Variants in DNAH9 observed in about 807,000 individuals in gnomAD.
DNAH9 encodes the protein DNAH9 variant protein.
Under a neutral mutation model 471.6 loss-of-function variants are expected in DNAH9, and 345 were observed. That is an observed-to-expected ratio of 0.73 (90% CI 0.67 to 0.80). DNAH9 has a LOEUF of 0.80. DNAH9 is among the 30% of genes least tolerant of loss of function. DNAH9 has a pLI of 0.00. For missense variants in DNAH9, 5,407 were observed against 5,609.2 expected (o/e 0.96, Z 1.15); for synonymous variants, 2,093 against 2,123.6 (o/e 0.99, Z 0.40).
chr17:11,881,860 C>T (rs1972735603), intron 55 of DNAH9, among the ~76,000 whole-genome samples: 3 of 151,534 alleles, frequency 2.0e-5, no homozygotes, highest in Non-Finnish European at 4.4e-5. Context: ...TGCAGTGAGC[C>T]AAGATCGTGC....
intron 14 of DNAH9, among the ~76,000 whole-genome samples, chr17:11,662,371 C>G (rs1003082460): frequency 1.4e-4 from 21 of 152,148 alleles, no homozygotes; most frequent in Admixed American, 1.2e-3. Context: ...ATATTCTTAT[C>G]TACTAATTTC....
intron 9 of DNAH9, among the ~76,000 whole-genome samples, chr17:11,638,141 CT>C (rs1243777448): frequency 6.6e-6 from 1 of 151,254 alleles, no homozygotes; most frequent in East Asian, 1.9e-4. Flanking sequence ...TTATCAAAGG[CT>C]TTTAAGTAGC....
chr17:11,828,782 A>T (rs1372935341), intron 48 of DNAH9, among the ~76,000 whole-genome samples: 1 of 152,158 alleles, frequency 6.6e-6, no homozygotes, highest in African/African-American at 2.4e-5. Flanking sequence ...CTGCTCCAGA[A>T]GCCCTTTCTA....
chr17:11,689,594 C>T lies in DNAH9; in HGVS notation c.3772C>T (p.Leu1258=). ...TGATAGCATCCACCCTCATCAAATG[C>T]TGGATGCCAGGCACATCGAGATCCA... ...RFDSIHPHQM[L]DARHIEIQQM... Residue 1258 remains leucine, a synonymous_variant, in exon 20 of 69, where the codon CTG becomes TTG. Coordinates refer to ENST00000262442, the MANE Select transcript of DNAH9 (RefSeq NM_001372.4). 6.2e-7 allele frequency: 1 copy of T among 1,613,622 alleles called. No homozygotes were observed.
At chr17:11,917,219 T>C (rs768746428) in intron 61 of DNAH9, among the ~76,000 whole-genome samples, 35 of 152,132 alleles carry the variant, frequency 2.3e-4, no homozygotes, top group Non-Finnish European at 3.2e-4. Context: ...AATGGCACGA[T>C]CTCAGCTCAC....
chr17:11,603,894 C>T (rs181671696), intron 1 of DNAH9, among the ~76,000 whole-genome samples: 31 of 152,290 alleles, frequency 2.0e-4, no homozygotes, highest in Admixed American at 3.9e-4. Flanking sequence ...CTGAGAGCAG[C>T]GTTTGTCATA....
At chr17:11,769,354 TG>T in intron 38 of DNAH9, 25 bp downstream of exon 38, 2 of 1,586,200 alleles carry the variant, frequency 1.3e-6, no homozygotes, top group Non-Finnish European at 8.6e-7. Context: ...GCACCTGGGG[TG>T]GGGGGCATCT....
At chr17:11,744,003 T>C (rs1422227928) in intron 30 of DNAH9, among the ~76,000 whole-genome samples, 1 of 152,060 alleles carries the variant, frequency 6.6e-6, no homozygotes, top group Non-Finnish European at 1.5e-5. Flanking sequence ...CTAATTTTTG[T>C]ATTTTCAGTA....
At chr17:11,805,033 G>A (rs1173683414) in intron 43 of DNAH9, among the ~76,000 whole-genome samples, 2 of 151,484 alleles carry the variant, frequency 1.3e-5, no homozygotes, top group African/African-American at 4.9e-5. Context: ...CAGCCTGGGC[G>A]AGAAAGCAAG....
At chr17:11,713,173 A>G (rs554927760) in intron 26 of DNAH9, among the ~76,000 whole-genome samples, 1 of 152,172 alleles carries the variant, frequency 6.6e-6, no homozygotes, top group South Asian at 2.1e-4. Flanking sequence ...CTGTTCCTGC[A>G]TTAGTTTGCT....
At chr17:11,683,355 G>A (rs2150744646) in intron 19 of DNAH9, among the ~76,000 whole-genome samples, 1 of 152,198 alleles carries the variant, frequency 6.6e-6, no homozygotes, top group African/African-American at 2.4e-5. Flanking sequence ...TGTATTTTTA[G>A]TAGAGGCAGG....
At chr17:11,738,855 T>C (rs2075392237) in intron 28 of DNAH9, 25 bp from the exon 29 acceptor site, 1 of 1,611,424 alleles carries the variant, frequency 6.2e-7, no homozygotes, top group Non-Finnish European at 8.5e-7. Flanking sequence ...TTGAGGAATT[T>C]CTCGCTGATT....
intron 45 of DNAH9, among the ~76,000 whole-genome samples, chr17:11,820,761 T>A (rs73980503): frequency 0.05 from 7,547 of 152,292 alleles, 631 homozygotes; most frequent in African/African-American, 0.17. Context: ...TTGCTATACT[T>A]TGCCTGTGAT....
chr17:11,942,045 A>G (rs554694556), intron 66 of DNAH9, among the ~76,000 whole-genome samples: 1 of 152,248 alleles, frequency 6.6e-6, no homozygotes, highest in East Asian at 1.9e-4. Flanking sequence ...TTAGAGAGCT[A>G]TCTGTGTTCA....
At chr17:11,966,395 C>T (rs753930857) in intron 68 of DNAH9, among the ~76,000 whole-genome samples, 1 of 152,108 alleles carries the variant, frequency 6.6e-6, no homozygotes, top group African/African-American at 2.4e-5. Context: ...GTGAGACATT[C>T]TCAGATTTTT....
At chr17:11,812,030 T>TATATATATATATATAC (rs1969941274) in intron 45 of DNAH9, among the ~76,000 whole-genome samples, 1 of 41,090 alleles carries the variant, frequency 2.4e-5, no homozygotes, top group Admixed American at 2.6e-4. Context: ...AAAAAAAATA[T>TATATATATATATATAC]ATATATATAT....
chr17:11,918,606 C>A (rs1974032760), intron 61 of DNAH9, among the ~76,000 whole-genome samples: 1 of 152,114 alleles, frequency 6.6e-6, no homozygotes, highest in African/African-American at 2.4e-5. Context: ...ATTCAGGATT[C>A]ATGGAGTATT....
In DNAH9 at chr17:11,651,073, T is replaced by C. The variant is rs1269995151; in HGVS notation, c.2102T>C (p.Ile701Thr). ...TGTGTTGCTTCTTTTCTCCAGCTGATTTCAGTGCTGAAAGAAATGAGCTAT... is the reference window on the plus strand; with the variant it reads ...TGTGTTGCTTCTTTTCTCCAGCTGACTTCAGTGCTGAAAGAAATGAGCTAT... ...EITINFNPQLISVLKEMSYLE... is the reference protein window; with the variant it reads ...EITINFNPQLTSVLKEMSYLE... Residue 701 changes from isoleucine (I) to threonine (T), a missense_variant, in exon 13 of 69, where the codon ATT (isoleucine) becomes ACT (threonine). Physicochemically the swap from Ile to Thr is moderately conservative, Grantham distance 89. Around this residue, in one of 3 missense-constraint regions of DNAH9, gnomAD observed 4,636 missense variants for 4,900.3 expected, o/e 0.95. Coordinates refer to ENST00000262442, the MANE Select transcript of DNAH9 (RefSeq NM_001372.4). 6.2e-7 allele frequency: 1 copy of C among 1,612,984 alleles called. No homozygotes were observed. The highest frequency in any genetic ancestry group is 8.5e-7 in the Non-Finnish European group (1 of 1,179,284).
chr17:11,666,754 G>A (rs919084721), intron 15 of DNAH9, among the ~76,000 whole-genome samples: 3 of 152,136 alleles, frequency 2.0e-5, no homozygotes, highest in Admixed American at 6.5e-5. Flanking sequence ...ATGAGGGTAA[G>A]GCCCTGGAAA....
Sources: gnomAD v4.1 joint callset for allele counts (sites outside exome capture counted in the v4.1 genomes callset) on GRCh38, gnomAD v4.1.1 for gene constraint, gnomAD v4.1.1 regional missense constraint, MANE v1.5 for transcripts, NCBI Gene and HGNC (gene_info 2026-07-23, HGNC 2026-07-21) for gene names.